The following SLC25A1 variants were observed in gnomAD, a reference collection of about 807,000 sequenced individuals.
SLC25A1 encodes solute carrier family 25 member 1.
In SLC25A1, 26 loss-of-function variants were observed where a neutral mutation model predicts 38.1. The observed-to-expected ratio is 0.68, with a 90% CI of 0.50 to 0.95. The LOEUF is 0.95. SLC25A1 is among the 40% of genes least tolerant of loss of function. The probability of loss-of-function intolerance (pLI) is 0.00; values close to 1 mark genes in which losing one functional copy is unlikely to be tolerated. For missense variants in SLC25A1, 378 were observed against 426.6 expected (o/e 0.89, Z 1.00); for synonymous variants, 211 against 183.2 (o/e 1.15, Z -1.23).
intron 4 of SLC25A1, among the ~76,000 whole-genome samples, 166 bp downstream of exon 4, chr22:19,177,561 C>A (rs911312265): frequency 1.3e-5 from 2 of 152,242 alleles, no homozygotes; most frequent in African/African-American, 4.8e-5. Flanking sequence ...GGTGGCCCTT[C>A]GTGGCAGGCG....
chr22:19,177,583 G>C (rs1040934878), intron 4 of SLC25A1, 144 bp downstream of exon 4: 1 of 1,124,530 alleles, frequency 8.9e-7, no homozygotes, highest in African/African-American at 1.6e-5. Context: ...CCTGCCCCAG[G>C]GCCCCGCGGT....
In SLC25A1 at chr22:19,178,088, C is replaced by A; in HGVS notation, c.202+45G>T. 1 of 1,538,150 alleles carries A rather than the reference C, an allele frequency of 6.5e-7. No individual in the cohort carries two copies. Among genetic ancestry groups the A allele is most frequent in the Admixed American group, 2.0e-5 (1 of 48,906 alleles). ...ACCCCACGGCCCTCGGTGCCGCCGC[C>A]CTGGGTACCCGCCCCCCGCGGCGCC... On this transcript the variant is annotated intron_variant, in intron 2 of 8. Coordinates refer to ENST00000215882, the MANE Select transcript of SLC25A1 (RefSeq NM_005984.5). The surrounding 1 kb of genome is among the most constrained non-coding windows in gnomAD (Gnocchi z 4.9).
rs781833709 is a variant in SLC25A1, at chr22:19,178,352, A to G, written c.95-112T>C. The stretch of plus-strand genomic sequence containing the variant: ...GGCCGCCGCGCCAGTGCCGCGGGGA[A>G]CATAGGCTGGGGCCCCACGCCCCCA... On this transcript the variant is annotated intron_variant, in intron 1 of 8. Coordinates refer to ENST00000215882, the MANE Select transcript of SLC25A1 (RefSeq NM_005984.5). This position sits in a 1 kb window ranked among gnomAD's most constrained non-coding sequence, Gnocchi z 4.9. 22 of 1,490,290 alleles carry G rather than the reference A, an allele frequency of 1.5e-5. No homozygotes were observed. In the South Asian group the frequency reaches 2.9e-4, roughly 20 times the overall value. 92.3% of individuals were successfully genotyped at this position (1,490,290 alleles called of 1,614,324 possible).
chr22:19,178,576 CCACCTGCCAGGATCGCCTT>C lies in SLC25A1; in HGVS notation c.79_94+3del. On this transcript the variant is annotated splice_donor_variant and splice_donor_region_variant and coding_sequence_variant and intron_variant, in exon 1 of 9. Transcript: ENST00000215882. LOFTEE classifies it high-confidence loss of function. This position sits in a 1 kb window ranked among gnomAD's most constrained non-coding sequence, Gnocchi z 4.9. ...AGAGGGGTCCGCGTCCCGGAGGGGC[CCACCTGCCAGGATCGCCTT>C]CCCCGGGTGCGTCAGCTTGGCCTTC... is the stretch of plus-strand genomic sequence containing the variant. The C allele has an allele frequency of 8.2e-7, 1 of 1,226,402 alleles. No individual in the cohort carries two copies. Among genetic ancestry groups the C allele is most frequent in the Non-Finnish European group, 1.0e-6 (1 of 983,850 alleles). 76.0% of individuals were successfully genotyped at this position (1,226,402 alleles called of 1,614,324 possible). A position where few individuals can be genotyped will look rare whatever the true frequency, so the allele number is the denominator to read the frequency against.
chr22:19,177,749 A>G lies in SLC25A1; in HGVS notation c.419T>C (p.Val140Ala), dbSNP rs2083987189. 6.2e-7 allele frequency: 1 copy of G among 1,608,736 alleles called. No homozygotes were observed. Among genetic ancestry groups the G allele is most frequent in the Middle Eastern group, 2.2e-4 (1 of 4,526 alleles). ...CACCTTGATGGTCTCCATGGGGCAC[A>G]CGACCACCACGGCCTCGGCCACGCC... ...GAGVAEAVVV[V>A]CPMETIKVKF... The change falls in exon 4 of 9, where the codon GTG (valine) becomes GCG (alanine). Residue 140 changes from valine (V) to alanine (A), a missense_variant. Physicochemically the swap from Val to Ala is moderately conservative, Grantham distance 64. Transcript: ENST00000215882.
rs202166360 is a variant in SLC25A1, at chr22:19,177,133, A to G, written c.513T>C (p.Ile171=). 1 of 1,613,938 alleles carries G rather than the reference A, an allele frequency of 6.2e-7. No homozygotes were observed. Among genetic ancestry groups the G allele is most frequent in the East Asian group, 2.2e-5 (1 of 44,862 alleles). The change falls in exon 5 of 9, where the codon ATT becomes ATC. Residue 171 remains isoleucine (I), a synonymous_variant. Coordinates refer to ENST00000215882, the MANE Select transcript of SLC25A1 (RefSeq NM_005984.5). ...CGAGTGGCTCACCTTGTTCCCGCAC[A>G]ATCTCCCTAACCCCGTGGAAGAATC... ...YRGFFHGVRE[I]VREQGLKGTY... is the part of the protein sequence containing the mutation.
Position 19,176,624 on chromosome 22 carries a change from C to G in SLC25A1, c.701G>C (p.Ser234Thr). 1 of 1,613,986 alleles carries G rather than the reference C, an allele frequency of 6.2e-7. No individual in the cohort carries two copies. Reference sequence around the variant, plus strand: ...ATCCAGAGGAGTGTTTCCAAAGACACTGGCTGCGCCTGCAATAGCTCCGAA... The same window carrying G: ...ATCCAGAGGAGTGTTTCCAAAGACAGTGGCTGCGCCTGCAATAGCTCCGAA... Reference protein sequence around the residue: ...GVFGAIAGAASVFGNTPLDVI... With the variant: ...GVFGAIAGAATVFGNTPLDVI... The change falls in exon 7 of 9, where the codon AGT (serine) becomes ACT (threonine). Residue 234 changes from serine to threonine, a missense_variant. By Grantham distance (58) the Ser-to-Thr change is moderately conservative (BLOSUM62 1). Transcript: ENST00000215882.
At chr22:19,177,572 T>G (rs1601399924) in intron 4 of SLC25A1, among the ~76,000 whole-genome samples, 155 bp downstream of exon 4, 1 of 152,212 alleles carries the variant, frequency 6.6e-6, no homozygotes, top group African/African-American at 2.4e-5. Context: ...GTGGCAGGCG[T>G]CCTGCCCCAG....
In SLC25A1 at chr22:19,178,248, G is replaced by A. The variant is rs1555923333; in HGVS notation, c.95-8C>T. On this transcript the variant is annotated splice_polypyrimidine_tract_variant and splice_region_variant and intron_variant, in intron 1 of 8. Coordinates refer to ENST00000215882, the MANE Select transcript of SLC25A1 (RefSeq NM_005984.5). The surrounding 1 kb of genome is among the most constrained non-coding windows in gnomAD (Gnocchi z 4.9). The stretch of plus-strand genomic sequence containing the variant: ...TGCCACCCGCCAGGCCGCCTGCAGG[G>A]ACCGGGAACCCGCTCCTGAGACTCC... The A allele has an allele frequency of 6.5e-7, 1 of 1,545,286 alleles. No homozygotes were observed. Among genetic ancestry groups the A allele is most frequent in the East Asian group, 2.5e-5 (1 of 40,390 alleles).
rs781860169 is a variant in SLC25A1 at position 19,177,211 on chromosome 22, G to A, written c.442-7C>T. 1.9e-6 allele frequency: 3 copies of A among 1,613,204 alleles called. No homozygotes were observed. Among genetic ancestry groups the A allele is most frequent in the East Asian group, 4.5e-5 (2 of 44,860 alleles). On this transcript the variant is annotated splice_polypyrimidine_tract_variant and splice_region_variant and intron_variant, in intron 4 of 8. Coordinates refer to ENST00000215882, the MANE Select transcript of SLC25A1 (RefSeq NM_005984.5). ...GGTCGTGGATGAACTTCACCTGAGA[G>A]AGAGAAGCAAAGGCGCAGGTTCTCG...
At chr22:19,176,288 G>A (rs968059838) in intron 8 of SLC25A1, 44 bp from the exon 9 acceptor site, 45 of 1,572,400 alleles carry the variant, frequency 2.9e-5, no homozygotes, top group Non-Finnish European at 3.9e-5. Context: ...GGTCAGCACA[G>A]TGTCCCTGCA....
Position 19,178,045 on chromosome 22 carries a change from G to T in SLC25A1, c.203-4C>A. On this transcript the variant is annotated splice_region_variant and splice_polypyrimidine_tract_variant and intron_variant, in intron 2 of 8. Transcript: ENST00000215882. This position sits in a 1 kb window ranked among gnomAD's most constrained non-coding sequence, Gnocchi z 4.9. ...ACCGTCTGCCGCACGCAGTCCCCTGGGGGAGGGGGCGGTCAGGACCCCACG... is the reference window on the plus strand; with the variant it reads ...ACCGTCTGCCGCACGCAGTCCCCTGTGGGAGGGGGCGGTCAGGACCCCACG... 2 of 1,583,720 alleles carry T rather than the reference G, an allele frequency of 1.3e-6. No homozygotes were observed.
chr22:19,178,296 C>T lies in SLC25A1; in HGVS notation c.95-56G>A. The T allele has an allele frequency of 6.5e-7, 1 of 1,536,476 alleles. No individual in the cohort carries two copies. The highest frequency in any genetic ancestry group is 8.8e-7 in the Non-Finnish European group (1 of 1,141,072). On this transcript the variant is annotated intron_variant, in intron 1 of 8. Transcript: ENST00000215882. This position sits in a 1 kb window ranked among gnomAD's most constrained non-coding sequence, Gnocchi z 4.9. ...TCCCGCCCGGCCGCTGGCGCTCGGGCCCCTCCCCCGTCCCGGACTTCGGTC... is the reference window on the plus strand; with the variant it reads ...TCCCGCCCGGCCGCTGGCGCTCGGGTCCCTCCCCCGTCCCGGACTTCGGTC...
At chr22:19,177,675 C>A in intron 4 of SLC25A1, 52 bp downstream of exon 4, 1 of 1,597,366 alleles carries the variant, frequency 6.3e-7, no homozygotes, top group Non-Finnish European at 8.5e-7. Flanking sequence ...AGCGGGGCCG[C>A]CCGTCTCCGT....
intron 8 of SLC25A1, 52 bp downstream of exon 8, chr22:19,176,369 G>A: frequency 6.3e-7 from 1 of 1,594,742 alleles, no homozygotes. Context: ...AGGCCAGGTA[G>A]GCCGGGAAAG....
rs377553268 is a variant in SLC25A1 at position 19,177,113 on chromosome 22, G to A, written c.526+7C>T. 1.1e-4 allele frequency: 183 copies of A among 1,613,530 alleles called. No individual in the cohort carries two copies. The highest frequency in any genetic ancestry group is 1.5e-4 in the Non-Finnish European group (177 of 1,179,642). On this transcript the variant is annotated splice_region_variant and intron_variant, in intron 5 of 8. Coordinates refer to ENST00000215882, the MANE Select transcript of SLC25A1 (RefSeq NM_005984.5). The stretch of plus-strand genomic sequence containing the variant: ...CTGAGCCCTATCAGGAAGGTCGAGT[G>A]GCTCACCTTGTTCCCGCACAATCTC...
At position 19,176,646 on chromosome 22, in the gene SLC25A1, C is replaced by T. The variant is rs1555922405; in HGVS notation, c.679G>A (p.Gly227Arg). ...ACACTGGCTGCGCCTGCAATAGCTC[C>T]GAAGACCCCAGTGATCAGAGGGTTC... ...PMNPLITGVFGAIAGAASVFG... is the reference protein window; with the variant it reads ...PMNPLITGVFRAIAGAASVFG... Residue 227 changes from glycine to arginine, a missense_variant, in exon 7 of 9, where the codon GGA becomes AGA. Coordinates refer to ENST00000215882, the MANE Select transcript of SLC25A1 (RefSeq NM_005984.5). The T allele has an allele frequency of 3.7e-6, 6 of 1,613,976 alleles. No individual in the cohort carries two copies. Among genetic ancestry groups the T allele is most frequent in the South Asian group, 1.1e-5 (1 of 91,080 alleles).
rs1306326092 is a variant in SLC25A1, at chr22:19,176,057, C to T, written c.*73G>A. 5 of 1,181,768 alleles carry T rather than the reference C, an allele frequency of 4.2e-6. No homozygotes were observed. The Admixed American group carries it at 6.0e-5, about 14-fold the overall frequency. The allele number at this position is 1,181,768 out of a possible 1,614,324, so 73.2% of individuals were successfully genotyped here. A position where few individuals can be genotyped will look rare whatever the true frequency, so the allele number is the denominator to read the frequency against. On this transcript the variant is annotated 3_prime_UTR_variant, in exon 9 of 9. Transcript: ENST00000215882. Reference sequence around the variant, plus strand: ...GAAGGGGCCTTTTGGCACTACTGCACTGGAATCGTGAGACAAAGGTAGCAG... The same window carrying T: ...GAAGGGGCCTTTTGGCACTACTGCATTGGAATCGTGAGACAAAGGTAGCAG...
In SLC25A1 at chr22:19,178,594, T is replaced by G; in HGVS notation, c.80A>C (p.Lys27Thr). Residue 27 changes from lysine (K) to threonine (T), a missense_variant, in exon 1 of 9, where the codon AAG becomes ACG. Coordinates refer to ENST00000215882, the MANE Select transcript of SLC25A1 (RefSeq NM_005984.5). The surrounding 1 kb of genome is among the most constrained non-coding windows in gnomAD (Gnocchi z 4.9). ...SGKAKLTHPG[K>T]AILAGGLAGG... ...GAGGGGCCCACCTGCCAGGATCGCC[T>G]TCCCCGGGTGCGTCAGCTTGGCCTT... 3 of 1,207,462 alleles carry G rather than the reference T, an allele frequency of 2.5e-6. No individual in the cohort carries two copies. Among genetic ancestry groups the G allele is most frequent in the East Asian group, 3.4e-5 (1 of 29,298 alleles). The allele number at this position is 1,207,462 out of a possible 1,614,324, so 74.8% of individuals were successfully genotyped here. A position where few individuals can be genotyped will look rare whatever the true frequency, so the allele number is the denominator to read the frequency against.
Sources: gnomAD v4.1 joint callset for allele counts (sites outside exome capture counted in the v4.1 genomes callset) on GRCh38, gnomAD v4.1.1 for gene constraint, Gnocchi (gnomAD v3.1) non-coding constraint, MANE v1.5 for transcripts, NCBI Gene and HGNC (gene_info 2026-07-23, HGNC 2026-07-21) for gene names.